RSRC1: variants seen among roughly 807,000 people sequenced by gnomAD.
RSRC1 encodes the protein serine/Arginine-related protein 53.
A neutral mutation model predicts 49.1 loss-of-function variants in RSRC1; 39 were observed. That is an observed-to-expected ratio of 0.79 (90% CI 0.61 to 1.04). The LOEUF is 1.04. RSRC1 is among the 50% of genes least tolerant of loss of function. The pLI, the probability that RSRC1 is intolerant of heterozygous loss-of-function variation, is 0.00. For synonymous variants in RSRC1, 143 were observed against 130.8 expected (o/e 1.09, Z -0.63); for missense variants, 388 against 402.4 (o/e 0.96, Z 0.31).
At chr3:158,196,641 G>C (rs1230138044) in intron 3 of RSRC1, among the ~76,000 whole-genome samples, 5 of 152,150 alleles carry the variant, frequency 3.3e-5, no homozygotes, top group Admixed American at 6.5e-5. Flanking sequence ...GTGGGTTTGT[G>C]ATAGATAGCT....
At chr3:158,357,853 C>A (rs1731241869) in intron 6 of RSRC1, among the ~76,000 whole-genome samples, 1 of 152,132 alleles carries the variant, frequency 6.6e-6, no homozygotes, top group Admixed American at 6.6e-5. Context: ...ATGCTAGATT[C>A]TTGACGCAGG....
intron 4 of RSRC1, among the ~76,000 whole-genome samples, chr3:158,293,066 A>G (rs1451454206): frequency 6.6e-6 from 1 of 152,082 alleles, no homozygotes; most frequent in Non-Finnish European, 1.5e-5. Flanking sequence ...TATCTTTCTG[A>G]CCAAAGTAAA....
chr3:158,129,704 T>G (rs1201616880), intron 3 of RSRC1, among the ~76,000 whole-genome samples: 1 of 152,192 alleles, frequency 6.6e-6, no homozygotes. Flanking sequence ...CCTTTGTCTG[T>G]TTTTATACTA....
intron 1 of RSRC1, among the ~76,000 whole-genome samples, chr3:158,120,736 T>C (rs2108162029): frequency 6.7e-6 from 1 of 148,696 alleles, no homozygotes; most frequent in East Asian, 1.9e-4. Flanking sequence ...AAAACTGCAA[T>C]TACTTTTGCA....
rs922179602 is a variant in RSRC1, at chr3:158,506,826, G to A, written c.653-30266G>A. On this transcript the variant is annotated intron_variant, in intron 7 of 9. Transcript: ENST00000611884. ...ATCCAGGAATCCCACTGGTGTGTGT[G>A]TGTATATATTTTATATATGTATATA... Among the ~76,000 whole-genome samples, 5 of 149,692 alleles carry A rather than the reference G, an allele frequency of 3.3e-5. No homozygotes were observed. In the East Asian group the frequency reaches 5.8e-4, roughly 17 times the overall value.
chr3:158,351,568 A>G (rs1184521921), intron 5 of RSRC1, among the ~76,000 whole-genome samples: 1 of 152,180 alleles, frequency 6.6e-6, no homozygotes, highest in Non-Finnish European at 1.5e-5. Context: ...ATCAAATTTC[A>G]TTTACTGGGT....
intron 6 of RSRC1, among the ~76,000 whole-genome samples, chr3:158,420,939 T>C (rs6806702): frequency 0.5 from 76,582 of 151,754 alleles, 19,641 homozygotes; most frequent in South Asian, 0.6. Flanking sequence ...CAACTAAGAA[T>C]GTAATAATAA....
intron 6 of RSRC1, among the ~76,000 whole-genome samples, chr3:158,438,908 A>G (rs181001643): frequency 6.6e-6 from 1 of 152,294 alleles, no homozygotes; most frequent in Non-Finnish European, 1.5e-5. Context: ...AATTTTTTGC[A>G]ATCTACTCAT....
chr3:158,219,167 T>C (rs1473434554), intron 4 of RSRC1, among the ~76,000 whole-genome samples: 1 of 151,660 alleles, frequency 6.6e-6, no homozygotes, highest in African/African-American at 2.4e-5. Flanking sequence ...GGGATTATTA[T>C]ATGTTTAGGA....
chr3:158,210,714 A>G (rs527255007), intron 4 of RSRC1, among the ~76,000 whole-genome samples: 2 of 152,196 alleles, frequency 1.3e-5, no homozygotes, highest in East Asian at 1.9e-4. Context: ...TTCTGATTTA[A>G]CCAAAATAAT....
At chr3:158,326,554 C>G (rs1192738603) in intron 5 of RSRC1, among the ~76,000 whole-genome samples, 1 of 151,978 alleles carries the variant, frequency 6.6e-6, no homozygotes, top group African/African-American at 2.4e-5. Context: ...GTATGTTGAA[C>G]CAGCCTTGCA....
chr3:158,379,155 A>G (rs1441650944), intron 6 of RSRC1, among the ~76,000 whole-genome samples: 1 of 149,896 alleles, frequency 6.7e-6, no homozygotes, highest in Non-Finnish European at 1.5e-5. Context: ...GGCAACTGGA[A>G]TGAGTGGTCC....
intron 4 of RSRC1, among the ~76,000 whole-genome samples, chr3:158,228,059 A>C (rs1441272918): frequency 6.6e-6 from 1 of 151,984 alleles, no homozygotes; most frequent in Non-Finnish European, 1.5e-5. Flanking sequence ...TGTGTTGGGG[A>C]ACTAGTTTAT....
At chr3:158,330,185 A>T (rs1436562266) in intron 5 of RSRC1, among the ~76,000 whole-genome samples, 1 of 152,140 alleles carries the variant, frequency 6.6e-6, no homozygotes, top group Admixed American at 6.5e-5. Context: ...CACTTCCTGG[A>T]TGAGGCGATG....
At chr3:158,257,078 TC>T (rs1559964646) in intron 4 of RSRC1, among the ~76,000 whole-genome samples, 1 of 152,206 alleles carries the variant, frequency 6.6e-6, no homozygotes, top group Non-Finnish European at 1.5e-5. Context: ...CTCCTTTGGT[TC>T]TGCTCTGATC....
chr3:158,460,517 T>C (rs569834542), intron 6 of RSRC1, among the ~76,000 whole-genome samples: 93 of 152,012 alleles, frequency 6.1e-4, no homozygotes, highest in African/African-American at 2.0e-3. Context: ...TGCTACCTAA[T>C]TTGATACTGT....
chr3:158,162,095 T>C (rs956416615), intron 3 of RSRC1, among the ~76,000 whole-genome samples: 1 of 152,172 alleles, frequency 6.6e-6, no homozygotes, highest in Non-Finnish European at 1.5e-5. Context: ...GAAATGACTT[T>C]ATCTGAATAA....
intron 7 of RSRC1, among the ~76,000 whole-genome samples, chr3:158,486,343 A>G (rs1738819883): frequency 6.6e-6 from 1 of 152,094 alleles, no homozygotes; most frequent in Non-Finnish European, 1.5e-5. Context: ...TTTCATTCAC[A>G]TCCTTCTGTT....
At chr3:158,368,256 A>G (rs1731884594) in intron 6 of RSRC1, among the ~76,000 whole-genome samples, 1 of 152,162 alleles carries the variant, frequency 6.6e-6, no homozygotes, top group Non-Finnish European at 1.5e-5. Context: ...TGGGTCCTCT[A>G]TATGGACTCT....
Sources: gnomAD v4.1 joint callset for allele counts (sites outside exome capture counted in the v4.1 genomes callset) on GRCh38, gnomAD v4.1.1 for gene constraint, MANE v1.5 for transcripts, NCBI Gene and HGNC (gene_info 2026-07-23, HGNC 2026-07-21) for gene names.